The following ITGA8 variants were observed in gnomAD, a reference collection of about 807,000 sequenced individuals.
ITGA8 encodes integrin subunit alpha 8.
A neutral mutation model predicts 142.3 loss-of-function variants in ITGA8; 91 were observed. That is an observed-to-expected ratio of 0.64 (90% CI 0.54 to 0.76). The LOEUF is 0.76. ITGA8 is among the 30% of genes least tolerant of loss of function. The pLI is 0.00. For missense variants in ITGA8, 1,406 were observed against 1,327.7 expected (o/e 1.06, Z -0.92); for synonymous variants, 505 against 485.2 (o/e 1.04, Z -0.54).
Position 15,586,568 on chromosome 10 carries a change from A to G in ITGA8, c.2372+16T>C. 1 of 1,520,690 alleles carries G rather than the reference A, an allele frequency of 6.6e-7. No individual in the cohort carries two copies. The highest frequency in any genetic ancestry group is 2.3e-5 in the East Asian group (1 of 44,400). 94.2% of individuals were successfully genotyped at this position (1,520,690 alleles called of 1,614,324 possible). A position where few individuals can be genotyped will look rare whatever the true frequency, so the allele number is the denominator to read the frequency against. On this transcript the variant is annotated intron_variant, in intron 23 of 29. Coordinates refer to ENST00000378076, the MANE Select transcript of ITGA8 (RefSeq NM_003638.3). ...CATACAGAAGGATATTGTACTATGC[A>G]TTGCTTACTACTTACCCTCTTATTT...
At chr10:15,634,342 A>C (rs909099921) in intron 13 of ITGA8, among the ~76,000 whole-genome samples, 2 of 152,116 alleles carry the variant, frequency 1.3e-5, no homozygotes, top group Admixed American at 6.6e-5. Flanking sequence ...ACTAGATGCT[A>C]TTCACACCAT....
chr10:15,712,644 T>C (rs570229963), intron 2 of ITGA8, among the ~76,000 whole-genome samples: 10 of 152,138 alleles, frequency 6.6e-5, no homozygotes, highest in African/African-American at 2.2e-4. Flanking sequence ...TCCATGTTCA[T>C]GTACTGTCAT....
intron 8 of ITGA8, among the ~76,000 whole-genome samples, chr10:15,669,072 A>C (rs962600495): frequency 8.5e-5 from 13 of 152,104 alleles, no homozygotes; most frequent in East Asian, 3.9e-4. Context: ...GCCTGCCTTG[A>C]TAGATTGGGG....
chr10:15,560,252 C>T (rs570832183), intron 25 of ITGA8, among the ~76,000 whole-genome samples: 3 of 152,040 alleles, frequency 2.0e-5, no homozygotes, highest in African/African-American at 7.2e-5. Context: ...GAATTCTCAG[C>T]CTGGGCAACA....
At chr10:15,622,783 C>T (rs1403722391) in intron 13 of ITGA8, among the ~76,000 whole-genome samples, 1 of 151,746 alleles carries the variant, frequency 6.6e-6, no homozygotes, top group African/African-American at 2.4e-5. Context: ...AGTATTAAAA[C>T]TATAAACATT....
At chr10:15,659,104 A>G (rs762208587) in intron 9 of ITGA8, 49 bp from the exon 10 acceptor site, 14 of 1,311,508 alleles carry the variant, frequency 1.1e-5, no homozygotes, top group Non-Finnish European at 1.4e-5. Flanking sequence ...ATAGAATTGG[A>G]GCCTTTTTTA....
chr10:15,553,676 A>G (rs889962824), intron 26 of ITGA8, among the ~76,000 whole-genome samples: 2 of 152,138 alleles, frequency 1.3e-5, no homozygotes, highest in Non-Finnish European at 2.9e-5. Flanking sequence ...TTATCCTAAT[A>G]TCCTCTTTGA....
At chr10:15,555,087 C>A (rs1833865088) in intron 26 of ITGA8, among the ~76,000 whole-genome samples, 2 of 152,126 alleles carry the variant, frequency 1.3e-5, no homozygotes, top group African/African-American at 2.4e-5. Flanking sequence ...CAGTTCTAGT[C>A]CCCAAAGCAT....
intron 13 of ITGA8, among the ~76,000 whole-genome samples, chr10:15,626,937 C>G (rs552450353): frequency 3.3e-5 from 5 of 152,056 alleles, no homozygotes; most frequent in Non-Finnish European, 7.4e-5. Flanking sequence ...GGCAGCCTTG[C>G]GATTGACGGA....
chr10:15,606,525 A>G lies in ITGA8; in HGVS notation c.1765-103T>C, dbSNP rs1432630485. ...ACTGGAATTTACTCAATGAAAGTGAATGATGAAACAATTATCTTTGCAGCA... is the reference window on the plus strand; with the variant it reads ...ACTGGAATTTACTCAATGAAAGTGAGTGATGAAACAATTATCTTTGCAGCA... On this transcript the variant is annotated intron_variant, in intron 17 of 29. Coordinates refer to ENST00000378076, the MANE Select transcript of ITGA8 (RefSeq NM_003638.3). 5 of 1,115,160 alleles carry G rather than the reference A, an allele frequency of 4.5e-6. No individual in the cohort carries two copies. The African/African-American group carries it at 7.7e-5, about 17-fold the overall frequency. 69.1% of individuals were successfully genotyped at this position (1,115,160 alleles called of 1,614,324 possible). A position where few individuals can be genotyped will look rare whatever the true frequency, so the allele number is the denominator to read the frequency against.
chr10:15,600,828 A>G (rs756020066), intron 20 of ITGA8, among the ~76,000 whole-genome samples: 5 of 152,286 alleles, frequency 3.3e-5, no homozygotes, highest in Admixed American at 6.5e-5. Context: ...TCAGTCCACA[A>G]TCTCTCTAGT....
At chr10:15,643,939 A>C in intron 13 of ITGA8, 91 bp downstream of exon 13, 1 of 1,160,850 alleles carries the variant, frequency 8.6e-7, no homozygotes. Context: ...TCATCTGTAG[A>C]AGAAAACTGC....
chr10:15,594,324 A>G (rs1453528545), intron 21 of ITGA8, among the ~76,000 whole-genome samples: 3 of 151,972 alleles, frequency 2.0e-5, no homozygotes, highest in Non-Finnish European at 4.4e-5. Flanking sequence ...GCCAGGCAGA[A>G]TTGTTCTCCT....
intron 28 of ITGA8, among the ~76,000 whole-genome samples, chr10:15,528,873 T>A (rs1041502934): frequency 1.3e-5 from 2 of 152,228 alleles, no homozygotes; most frequent in African/African-American, 4.8e-5. Context: ...AAGAAAGATG[T>A]GGCTGTGCTT....
intron 22 of ITGA8, among the ~76,000 whole-genome samples, chr10:15,591,122 T>G (rs537781817): frequency 6.6e-6 from 1 of 152,192 alleles, no homozygotes; most frequent in East Asian, 1.9e-4. Flanking sequence ...CTAATGGTAC[T>G]TCTTGCAAGA....
At chr10:15,689,154 A>C (rs772528473) in intron 2 of ITGA8, among the ~76,000 whole-genome samples, 1 of 152,224 alleles carries the variant, frequency 6.6e-6, no homozygotes, top group African/African-American at 2.4e-5. Flanking sequence ...GGCAGGACAC[A>C]AAATCAACAT....
At chr10:15,665,892 C>T (rs1187752886) in intron 8 of ITGA8, among the ~76,000 whole-genome samples, 1 of 152,136 alleles carries the variant, frequency 6.6e-6, no homozygotes, top group Admixed American at 6.5e-5. Flanking sequence ...GTTTTGGTAC[C>T]AGTACCATGC....
chr10:15,644,865 G>A (rs918082594), intron 12 of ITGA8, among the ~76,000 whole-genome samples: 22 of 151,424 alleles, frequency 1.5e-4, no homozygotes, highest in African/African-American at 2.7e-4. Context: ...AGGCCGAGGC[G>A]GGCGGATCAT....
rs1249665229 is a variant in ITGA8, at chr10:15,644,179, C to A, written c.1250G>T (p.Gly417Val). The A allele has an allele frequency of 9.3e-6, 15 of 1,613,900 alleles. No homozygotes were observed. Among genetic ancestry groups the A allele is most frequent in the Non-Finnish European group, 1.1e-5 (13 of 1,179,950 alleles). Residue 417 changes from glycine (G) to valine (V), a missense_variant, in exon 13 of 30, where the codon GGC becomes GTC. By Grantham distance (109) the Gly-to-Val change is moderately radical. Coordinates refer to ENST00000378076, the MANE Select transcript of ITGA8 (RefSeq NM_003638.3). ...GTTCCCATTATAAATGAGCACTTTGCCTCTTTGATCCTTGCCTGCAAAAGG... is the reference window on the plus strand; with the variant it reads ...GTTCCCATTATAAATGAGCACTTTGACTCTTTGATCCTTGCCTGCAAAAGG... Reference protein sequence around the residue: ...GVPFAGKDQRGKVLIYNGNKD... With the variant: ...GVPFAGKDQRVKVLIYNGNKD...
Sources: gnomAD v4.1 joint callset for allele counts (sites outside exome capture counted in the v4.1 genomes callset) on GRCh38, gnomAD v4.1.1 for gene constraint, MANE v1.5 for transcripts, NCBI Gene and HGNC (gene_info 2026-07-23, HGNC 2026-07-21) for gene names.